RAPGEF4: variants seen among roughly 807,000 people sequenced by gnomAD.
The protein encoded by RAPGEF4 is RAP guanine-nucleotide-exchange factor (GEF) 4.
In RAPGEF4, 66 loss-of-function variants were observed where a neutral mutation model predicts 147.9. The observed-to-expected ratio is 0.45, with a 90% CI of 0.37 to 0.55. The LOEUF is 0.55. RAPGEF4 is among the 20% of genes least tolerant of loss of function. RAPGEF4 has a pLI of 0.00. For synonymous variants in RAPGEF4, 419 were observed against 442.7 expected (o/e 0.95, Z 0.67); for missense variants, 1,071 against 1,257.3 (o/e 0.85, Z 2.24).
chr2:173,012,627 T>G (rs1695133269), intron 17 of RAPGEF4, among the ~76,000 whole-genome samples: 1 of 152,236 alleles, frequency 6.6e-6, no homozygotes, highest in African/African-American at 2.4e-5. Flanking sequence ...ATGCGGTAGC[T>G]GAAAGAGAAT....
At chr2:172,926,615 A>G (rs1685388770) in intron 6 of RAPGEF4, among the ~76,000 whole-genome samples, 1 of 152,092 alleles carries the variant, frequency 6.6e-6, no homozygotes. Context: ...CTCTGTCACC[A>G]GGCTGGAGTG....
At position 172,843,439 on chromosome 2, in the gene RAPGEF4, A is replaced by T. The variant is rs181300839; in HGVS notation, c.444+29014A>T. Among the ~76,000 whole-genome samples, 695 of 152,350 alleles carry T rather than the reference A, an allele frequency of 4.6e-3. 1 individual carries two copies. The highest frequency in any genetic ancestry group is 0.014 in the Middle Eastern group (4 of 294). On this transcript the variant is annotated intron_variant, in intron 4 of 30. Coordinates refer to ENST00000397081, the MANE Select transcript of RAPGEF4 (RefSeq NM_007023.4). The stretch of plus-strand genomic sequence containing the variant: ...ACAGTGAGTTCTGAACAGATAAAGG[A>T]CATAATTGATTTAAGTGCATTTACA...
At chr2:172,860,225 AGAACAT>A in intron 4 of RAPGEF4, 2 of 985,414 alleles carry the variant, frequency 2.0e-6, no homozygotes, top group Non-Finnish European at 2.4e-6. Flanking sequence ...TGAGAAGAGG[AGAACAT>A]GGATTTAAAA....
intron 3 of RAPGEF4, among the ~76,000 whole-genome samples, chr2:172,800,834 G>A (rs958903123): frequency 6.6e-6 from 1 of 152,134 alleles, no homozygotes; most frequent in African/African-American, 2.4e-5. Context: ...TATCCTTACA[G>A]CAACATCTAG....
intron 4 of RAPGEF4, among the ~76,000 whole-genome samples, chr2:172,832,263 G>A (rs1421333892): frequency 6.6e-6 from 1 of 152,112 alleles, no homozygotes; most frequent in East Asian, 1.9e-4. Context: ...GTAGCATAAA[G>A]CTCATAAAGT....
rs770580688 is a variant in RAPGEF4 at position 172,821,950 on chromosome 2, G to A, written c.444+7525G>A. On this transcript the variant is annotated intron_variant, in intron 4 of 30. Transcript: ENST00000397081. ...GGATGTCTGAGAACTTTGAGAGACC[G>A]AAAAAGAAGGACGTATGCTCTACAA... The A allele has an allele frequency of 2.6e-5, 42 of 1,613,122 alleles. No homozygotes were observed. The Middle Eastern group carries it at 6.6e-4, about 25-fold the overall frequency.
At chr2:172,894,936 C>A (rs1698318243) in intron 4 of RAPGEF4, among the ~76,000 whole-genome samples, 1 of 152,036 alleles carries the variant, frequency 6.6e-6, no homozygotes, top group Admixed American at 6.6e-5. Context: ...CTTGAACTTT[C>A]TGCATGTTTG....
At chr2:172,984,378 C>G (rs751885750) in intron 11 of RAPGEF4, among the ~76,000 whole-genome samples, 1 of 152,108 alleles carries the variant, frequency 6.6e-6, no homozygotes, top group Non-Finnish European at 1.5e-5. Context: ...CCTGCCAGTC[C>G]CTGCTGTTGG....
intron 16 of RAPGEF4, among the ~76,000 whole-genome samples, chr2:173,000,940 C>T (rs55772652): frequency 0.19 from 28,491 of 151,746 alleles, 3,013 homozygotes; most frequent in Middle Eastern, 0.31. Flanking sequence ...ACCATGTCTT[C>T]GTTCTGCATG....
At chr2:172,857,620 G>A (rs1693572542) in intron 4 of RAPGEF4, among the ~76,000 whole-genome samples, 1 of 152,116 alleles carries the variant, frequency 6.6e-6, no homozygotes, top group Non-Finnish European at 1.5e-5. Flanking sequence ...CAGGTGTCAT[G>A]TCCATAATCC....
chr2:172,872,124 G>A lies in RAPGEF4; in HGVS notation c.445-45678G>A, dbSNP rs556877004. Among the ~76,000 whole-genome samples the A allele has an allele frequency of 2.6e-4, 39 of 152,162 alleles. 1 individual carries two copies. The Middle Eastern group carries it at 0.01, about 40-fold the overall frequency. On this transcript the variant is annotated intron_variant, in intron 4 of 30. Transcript: ENST00000397081. ...AAATCTTACTTCAGTTTCCAAATTT[G>A]CTTTATTCTCTGGAGCTGTTTTTCT...
At chr2:172,988,449 T>C (rs1692494558) in intron 13 of RAPGEF4, among the ~76,000 whole-genome samples, 177 bp downstream of exon 13, 1 of 152,256 alleles carries the variant, frequency 6.6e-6, no homozygotes, top group Admixed American at 6.5e-5. Flanking sequence ...AAAGTTGTAT[T>C]GTACTTTCTG....
Position 172,825,716 on chromosome 2 carries a change from TAC to T in RAPGEF4, c.444+11292_444+11293del, listed in dbSNP as rs571327303. The stretch of plus-strand genomic sequence containing the variant: ...CATGTTTCATAATATTTAAAGTACA[TAC>T]CTTTTAAATTCATTAAATCCACCAT... On this transcript the variant is annotated intron_variant, in intron 4 of 30. Coordinates refer to ENST00000397081, the MANE Select transcript of RAPGEF4 (RefSeq NM_007023.4). Among the ~76,000 whole-genome samples, 15 of 152,336 alleles carry T rather than the reference TAC, an allele frequency of 9.8e-5. No homozygotes were observed. In the East Asian group the frequency reaches 2.5e-3, roughly 25 times the overall value.
chr2:172,894,892 C>T (rs1219325757), intron 4 of RAPGEF4, among the ~76,000 whole-genome samples: 2 of 151,986 alleles, frequency 1.3e-5, no homozygotes, highest in Admixed American at 1.3e-4. Context: ...GTGAACATTG[C>T]GTAGTAATTA....
rs189497293 is a variant in RAPGEF4 at position 172,828,440 on chromosome 2, A to G, written c.444+14015A>G. On this transcript the variant is annotated intron_variant, in intron 4 of 30. Transcript: ENST00000397081. ...ATCCTCAGGCTCTCCCTGTGGAAGGAGAAGCCCTTTGGAGCCTCCTGGCCT... is the reference window on the plus strand; with the variant it reads ...ATCCTCAGGCTCTCCCTGTGGAAGGGGAAGCCCTTTGGAGCCTCCTGGCCT... Among the ~76,000 whole-genome samples, 16 of 152,280 alleles carry G rather than the reference A, an allele frequency of 1.1e-4. No homozygotes were observed. In the East Asian group the frequency reaches 1.5e-3, roughly 15 times the overall value.
intron 17 of RAPGEF4, among the ~76,000 whole-genome samples, chr2:173,003,271 G>A (rs1413145975): frequency 6.6e-6 from 1 of 152,122 alleles, no homozygotes; most frequent in Non-Finnish European, 1.5e-5. Flanking sequence ...CAGGTAGGGA[G>A]GAGGGGGAAA....
chr2:172,751,786 G>T (rs1225931006), intron 1 of RAPGEF4, among the ~76,000 whole-genome samples: 1 of 152,188 alleles, frequency 6.6e-6, no homozygotes, highest in Non-Finnish European at 1.5e-5. Context: ...GCAAACACAG[G>T]CTGAATCAAT....
intron 4 of RAPGEF4, among the ~76,000 whole-genome samples, chr2:172,837,873 G>A (rs564463374): frequency 5.9e-5 from 9 of 152,258 alleles, no homozygotes; most frequent in African/African-American, 2.2e-4. Context: ...CAAGAAAAAT[G>A]CTTATATTCA....
intron 3 of RAPGEF4, among the ~76,000 whole-genome samples, chr2:172,805,901 A>G (rs998286852): frequency 7.9e-5 from 12 of 152,132 alleles, no homozygotes; most frequent in Non-Finnish European, 2.9e-5. Flanking sequence ...TCTCAGTAAT[A>G]TTTTAATCGA....
Sources: allele counts gnomAD v4.1 joint callset (sites outside exome capture counted in the v4.1 genomes callset), GRCh38; gene constraint gnomAD v4.1.1; transcripts MANE v1.5; gene names NCBI Gene and HGNC (gene_info 2026-07-23, HGNC 2026-07-21).